DAAM2: variants seen among roughly 807,000 people sequenced by gnomAD.
DAAM2 encodes the protein disheveled-associated activator of morphogenesis 2.
Under a neutral mutation model 120.7 loss-of-function variants are expected in DAAM2, and 39 were observed. The observed-to-expected ratio is 0.32, with a 90% CI of 0.25 to 0.42. DAAM2 has a LOEUF of 0.42. Among genes scored for constraint, DAAM2 ranks in the 10% least tolerant of loss-of-function variants. DAAM2 has a pLI of 1.00. For missense variants in DAAM2, 1,283 were observed against 1,401.7 expected, an observed-to-expected ratio of 0.92 and a Z score of 1.35; for synonymous variants, 488 against 524.9, an observed-to-expected ratio of 0.93 and a Z score of 0.96.
rs199545289 is a variant in DAAM2 at position 39,868,857 on chromosome 6, G to A, written c.797G>A (p.Arg266Gln). The change falls in exon 7 of 25, where the codon CGG (arginine) becomes CAG (glutamine). Residue 266 changes from arginine to glutamine, a missense_variant. This residue lies in a region of DAAM2 where 338 missense variants were observed against 443.9 expected (regional missense o/e 0.76). Transcript: ENST00000274867. The part of the protein sequence containing the change: ...LLNELDRSLG[R>Q]YRDEVNLKTA... ...AACGAGCTAGACCGAAGTCTGGGCC[G>A]GTACCGGGATGAAGTGAATCTGAAA... is the stretch of plus-strand genomic sequence containing the variant. The A allele has an allele frequency of 1.1e-4, 173 of 1,587,176 alleles. No homozygotes were observed. In the African/African-American group the frequency reaches 1.9e-3, roughly 17 times the overall value.
At chr6:39,860,310 G>A (rs1238686316) in intron 2 of DAAM2, among the ~76,000 whole-genome samples, 3 of 152,178 alleles carry the variant, frequency 2.0e-5, no homozygotes, top group African/African-American at 7.2e-5. Context: ...TACCTCCCTC[G>A]GAAGCAGATC....
Position 39,856,264 on chromosome 6 carries a change from G to C in DAAM2, c.-39G>C, listed in dbSNP as rs1763996699. The C allele has an allele frequency of 1.4e-6, 2 of 1,438,966 alleles. No homozygotes were observed. Among genetic ancestry groups the C allele is most frequent in the Non-Finnish European group, 1.8e-6 (2 of 1,094,354 alleles). 89.1% of individuals were successfully genotyped at this position (1,438,966 alleles called of 1,614,324 possible). A position where few individuals can be genotyped will look rare whatever the true frequency, so the allele number is the denominator to read the frequency against. On this transcript the variant is annotated 5_prime_UTR_variant, in exon 2 of 25. It removes the in-frame stop codon of an upstream open reading frame in the 5' UTR. Transcript: ENST00000274867. ...TTGTCCAGATCACAATGAGGACCTA[G>C]GGCATCTGTCTGCTGACGCCCCCTG...
chr6:39,863,801 G>T (rs1257121103), intron 3 of DAAM2, among the ~76,000 whole-genome samples: 2 of 152,140 alleles, frequency 1.3e-5, no homozygotes, highest in African/African-American at 4.8e-5. Context: ...CTGCCTCCCC[G>T]CTGCACATCC....
chr6:39,897,317 G>C (rs770826012), intron 21 of DAAM2, 35 bp downstream of exon 21: 5 of 1,340,868 alleles, frequency 3.7e-6, no homozygotes, highest in Non-Finnish European at 5.4e-6. Flanking sequence ...TTCTCCCCAT[G>C]ATGACCCTCA....
chr6:39,901,921 C>A lies in DAAM2; in HGVS notation c.3091C>A (p.Arg1031Ser), dbSNP rs766588455. 6.2e-7 allele frequency: 1 copy of A among 1,609,840 alleles called. No individual in the cohort carries two copies. The highest frequency in any genetic ancestry group is 1.1e-5 in the South Asian group (1 of 90,828). ...GEFDDLVSALRSGEVFDKDLC... is the reference protein window; with the variant it reads ...GEFDDLVSALSSGEVFDKDLC... Reference sequence around the variant, plus strand: ...GTTCGATGACCTGGTGTCGGCCCTGCGCTCTGGGGAGGTCTTCGACAAGGA... The same window carrying A: ...GTTCGATGACCTGGTGTCGGCCCTGAGCTCTGGGGAGGTCTTCGACAAGGA... Residue 1031 changes from arginine to serine, a missense_variant, in exon 25 of 25, where the codon CGC (arginine) becomes AGC (serine). By Grantham distance (110) the Arg-to-Ser change is moderately radical. Transcript: ENST00000274867. This position sits in a 1 kb window ranked among gnomAD's most constrained non-coding sequence, Gnocchi z 4.5.
chr6:39,887,608 G>C lies in DAAM2; in HGVS notation c.2060+16G>C. The C allele has an allele frequency of 6.3e-7, 1 of 1,589,592 alleles. No homozygotes were observed. ...TTCTTTCCAAGTATGTGCAAAAGAAGGTGGTTGAGTTGGATGCCTGGGGGA... is the reference window on the plus strand; with the variant it reads ...TTCTTTCCAAGTATGTGCAAAAGAACGTGGTTGAGTTGGATGCCTGGGGGA... On this transcript the variant is annotated intron_variant, in intron 16 of 24. Coordinates refer to ENST00000274867, the MANE Select transcript of DAAM2 (RefSeq NM_001201427.2).
intron 17 of DAAM2, among the ~76,000 whole-genome samples, chr6:39,890,325 C>G (rs559519069): frequency 1.1e-4 from 17 of 152,226 alleles, no homozygotes; most frequent in African/African-American, 3.6e-4. Flanking sequence ...TACTCAGGGG[C>G]CAACTCTATT....
At chr6:39,839,858 T>A (rs1763254978) in intron 1 of DAAM2, among the ~76,000 whole-genome samples, 1 of 152,214 alleles carries the variant, frequency 6.6e-6, no homozygotes, top group African/African-American at 2.4e-5. Flanking sequence ...GAAGACTGGA[T>A]AATCTATAAA....
intron 14 of DAAM2, 108 bp downstream of exon 14, chr6:39,879,585 TGGTGG>T (rs1490770080): frequency 1.4e-6 from 2 of 1,464,370 alleles, no homozygotes; most frequent in Non-Finnish European, 9.6e-7. Flanking sequence ...GTCCTTTCTT[TGGTGG>T]GGGGTAAGGG....
chr6:39,858,507 A>G (rs1764092959), intron 2 of DAAM2, among the ~76,000 whole-genome samples: 1 of 152,156 alleles, frequency 6.6e-6, no homozygotes, highest in Non-Finnish European at 1.5e-5. Context: ...TTGGATGGAT[A>G]TTGGGGCCCT....
chr6:39,844,182 T>C (rs941811677), intron 1 of DAAM2, among the ~76,000 whole-genome samples: 1 of 152,198 alleles, frequency 6.6e-6, no homozygotes, highest in African/African-American at 2.4e-5. Context: ...GAAATATTTA[T>C]GTTTTAAAGC....
chr6:39,891,478 C>T (rs757018924), intron 18 of DAAM2, 31 bp downstream of exon 18: 28 of 1,564,778 alleles, frequency 1.8e-5, no homozygotes, highest in Admixed American at 1.6e-4. Flanking sequence ...GGGATTCAAG[C>T]AGGTGGGGTT....
At chr6:39,824,476 G>C (rs149969794) in intron 1 of DAAM2, among the ~76,000 whole-genome samples, 1 of 152,198 alleles carries the variant, frequency 6.6e-6, no homozygotes, top group Non-Finnish European at 1.5e-5. Context: ...CCTGTGGGGC[G>C]TTAGAGATCC....
At chr6:39,839,290 G>GA (rs1298121148) in intron 1 of DAAM2, among the ~76,000 whole-genome samples, 1 of 152,200 alleles carries the variant, frequency 6.6e-6, no homozygotes, top group Non-Finnish European at 1.5e-5. Flanking sequence ...ATCTCCTGGG[G>GA]AACTTGTTAA....
chr6:39,896,747 G>T, intron 19 of DAAM2, 65 bp from the exon 20 acceptor site: 1 of 1,393,458 alleles, frequency 7.2e-7, no homozygotes, highest in Admixed American at 2.9e-5. Flanking sequence ...ATCTTCCTGG[G>T]GTGCAATGAG....
At chr6:39,806,876 A>T (rs1244671769) in intron 1 of DAAM2, among the ~76,000 whole-genome samples, 2 of 150,962 alleles carry the variant, frequency 1.3e-5, no homozygotes, top group Non-Finnish European at 2.9e-5. Flanking sequence ...AATCATGCTC[A>T]TCATACTGGA....
rs78811273 is a variant in DAAM2 at position 39,861,362 on chromosome 6, G to T, written c.258+345G>T. Reference sequence around the variant, plus strand: ...CATGGACCATACCTGGAGCAGCTTTGCTATAAGAAATCAGTTTGGGGGGCA... The same window carrying T: ...CATGGACCATACCTGGAGCAGCTTTTCTATAAGAAATCAGTTTGGGGGGCA... On this transcript the variant is annotated intron_variant, in intron 3 of 24. Coordinates refer to ENST00000274867, the MANE Select transcript of DAAM2 (RefSeq NM_001201427.2). 1.4e-3 allele frequency: 540 copies of T among 378,190 alleles called. 1 individual carries two copies. The highest frequency in any genetic ancestry group is 9.9e-3 in the African/African-American group (472 of 47,894). 23.4% of individuals were successfully genotyped at this position (378,190 alleles called of 1,614,324 possible).
chr6:39,826,692 T>A (rs1762686694), intron 1 of DAAM2, among the ~76,000 whole-genome samples: 1 of 152,148 alleles, frequency 6.6e-6, no homozygotes, highest in African/African-American at 2.4e-5. Flanking sequence ...ACACAAAAAT[T>A]AAGAAAAATG....
At chr6:39,865,850 T>C (rs1764407821) in intron 5 of DAAM2, among the ~76,000 whole-genome samples, 1 of 152,262 alleles carries the variant, frequency 6.6e-6, no homozygotes, top group African/African-American at 2.4e-5. Flanking sequence ...ATTATTTTTC[T>C]ACATTTTACT....
Sources: gnomAD v4.1 joint callset for allele counts (sites outside exome capture counted in the v4.1 genomes callset) on GRCh38, gnomAD v4.1.1 for gene constraint, gnomAD v4.1.1 regional missense constraint, Gnocchi (gnomAD v3.1) non-coding constraint, MANE v1.5 for transcripts, NCBI Gene and HGNC (gene_info 2026-07-23, HGNC 2026-07-21) for gene names.